The following NDRG3 variants were observed in gnomAD, a reference collection of about 807,000 sequenced individuals.
NDRG3 encodes the protein protein NDRG3.
In NDRG3, 23 loss-of-function variants were observed where a neutral mutation model predicts 57.2. The observed-to-expected ratio is 0.40, with a 90% CI of 0.29 to 0.57. The LOEUF (loss-of-function observed/expected upper bound fraction) is 0.57. NDRG3 is among the 20% of genes least tolerant of loss of function. NDRG3 has a pLI of 0.42. For synonymous variants in NDRG3, 132 were observed against 162.6 expected, an observed-to-expected ratio of 0.81 and a Z score of 1.43; for missense variants, 384 against 457.3, an observed-to-expected ratio of 0.84 and a Z score of 1.46.
chr20:36,696,063 T>C (rs191200983), intron 3 of NDRG3, among the ~76,000 whole-genome samples: 13 of 152,310 alleles, frequency 8.5e-5, no homozygotes, highest in African/African-American at 3.1e-4. Flanking sequence ...CACTGAAATA[T>C]TGGGGGATTC....
At chr20:36,662,564 C>T (rs1032921684) in intron 12 of NDRG3, among the ~76,000 whole-genome samples, 1 of 152,200 alleles carries the variant, frequency 6.6e-6, no homozygotes, top group Non-Finnish European at 1.5e-5. Flanking sequence ...TTTTCATATT[C>T]TTCATAGCAC....
In NDRG3 at chr20:36,715,006, GTATATATATATATATATATA is replaced by G. The variant is rs545495779; in HGVS notation, c.57+6653_57+6672del. ...TCTGTGTGTGTGTGTGTGTGTGTGT[GTATATATATATATATATATA>G]TATATATATATATATATATATATAT... On this transcript the variant is annotated intron_variant, in intron 2 of 15. Coordinates refer to ENST00000349004, the MANE Select transcript of NDRG3 (RefSeq NM_032013.4). Among the ~76,000 whole-genome samples, 72 of 26,712 alleles carry G rather than the reference GTATATATATATATATATATA, an allele frequency of 2.7e-3. 2 individuals carry two copies. Among genetic ancestry groups the G allele is most frequent in the African/African-American group, 7.5e-3 (59 of 7,912 alleles). 17.5% of individuals were successfully genotyped at this position (26,712 alleles called of 152,430 possible).
chr20:36,738,959 A>C (rs1985760201), intron 1 of NDRG3, among the ~76,000 whole-genome samples: 1 of 147,888 alleles, frequency 6.8e-6, no homozygotes, highest in African/African-American at 2.5e-5. Flanking sequence ...CCCCATCTCT[A>C]CTAAAAATAC....
In NDRG3 at chr20:36,686,054, C is replaced by A. The variant is rs538571264; in HGVS notation, c.320+1438G>T. On this transcript the variant is annotated intron_variant, in intron 5 of 15. Transcript: ENST00000349004. ...TTACAGAATTGGAGATGGAATTGAT[C>A]CTAAGATGACCACTTATATATGAGG... Among the ~76,000 whole-genome samples the A allele has an allele frequency of 2.0e-5, 3 of 152,246 alleles. No individual in the cohort carries two copies. In the South Asian group the frequency reaches 6.2e-4, roughly 32 times the overall value.
intron 2 of NDRG3, among the ~76,000 whole-genome samples, chr20:36,711,608 G>A (rs913546012): frequency 1.3e-5 from 2 of 152,136 alleles, no homozygotes; most frequent in Admixed American, 6.6e-5. Flanking sequence ...CCTGACATGA[G>A]CACAAAGGGG....
intron 1 of NDRG3, among the ~76,000 whole-genome samples, chr20:36,737,796 T>C (rs995026433): frequency 1.3e-5 from 2 of 152,076 alleles, no homozygotes; most frequent in African/African-American, 4.8e-5. Context: ...ATTCTGAAAA[T>C]TGGCTGGGCG....
intron 1 of NDRG3, among the ~76,000 whole-genome samples, chr20:36,729,795 T>C (rs1985165424): frequency 6.6e-6 from 1 of 152,006 alleles, no homozygotes. Flanking sequence ...CCCAAAGTGC[T>C]AGAATTACAG....
intron 8 of NDRG3, among the ~76,000 whole-genome samples, chr20:36,674,595 C>CTTTT (rs561643631): frequency 2.6e-5 from 3 of 116,832 alleles, no homozygotes; most frequent in Admixed American, 1.8e-4. Context: ...ATCAATAAAG[C>CTTTT]TTTTTTTTTT....
At chr20:36,701,051 G>A (rs184216365) in intron 3 of NDRG3, among the ~76,000 whole-genome samples, 36 of 152,238 alleles carry the variant, frequency 2.4e-4, no homozygotes, top group African/African-American at 7.9e-4. Flanking sequence ...TGGGAATATA[G>A]GCATGAGCCA....
At chr20:36,672,778 G>A (rs1484788193) in intron 8 of NDRG3, among the ~76,000 whole-genome samples, 5 of 151,140 alleles carry the variant, frequency 3.3e-5, no homozygotes, top group Non-Finnish European at 5.9e-5. Flanking sequence ...GCAGTGAGCC[G>A]AGATCATGCC....
intron 2 of NDRG3, among the ~76,000 whole-genome samples, chr20:36,711,533 C>A (rs1848931052): frequency 6.6e-6 from 1 of 152,108 alleles, no homozygotes; most frequent in Non-Finnish European, 1.5e-5. Flanking sequence ...TCATTGTATC[C>A]ATGAATTCTC....
chr20:36,683,797 A>G (rs915370005), intron 6 of NDRG3, among the ~76,000 whole-genome samples: 1 of 151,778 alleles, frequency 6.6e-6, no homozygotes, highest in Non-Finnish European at 1.5e-5. Context: ...AGTGGAGTCT[A>G]TCTCCAGAAT....
intron 1 of NDRG3, among the ~76,000 whole-genome samples, chr20:36,722,383 A>G (rs1008839928): frequency 6.6e-6 from 1 of 152,236 alleles, no homozygotes; most frequent in African/African-American, 2.4e-5. Flanking sequence ...CCTGAACCAC[A>G]GAAACTGAGA....
chr20:36,666,312 C>G lies in NDRG3; in HGVS notation c.669G>C (p.Gln223His). Residue 223 changes from glutamine to histidine, a missense_variant, in exon 10 of 16, where the codon CAG becomes CAC. Physicochemically the swap from Gln to His is conservative, Grantham distance 24. Transcript: ENST00000349004. ...IAQDINQDNL[Q>H]LFLNSYNGRR... ...ACCCATTGTAGGAATTCAAGAAGAG[C>G]TGCAGGTTGTCTTGGTTGATGTCTT... 1 of 1,613,942 alleles carries G rather than the reference C, an allele frequency of 6.2e-7. No individual in the cohort carries two copies.
At chr20:36,731,698 T>C (rs527278479) in intron 1 of NDRG3, among the ~76,000 whole-genome samples, 1 of 151,640 alleles carries the variant, frequency 6.6e-6, no homozygotes, top group Non-Finnish European at 1.5e-5. Context: ...TAGTCCCAGC[T>C]ACTCGGGAGG....
intron 2 of NDRG3, among the ~76,000 whole-genome samples, chr20:36,716,805 G>C (rs998738351): frequency 5.9e-5 from 9 of 152,108 alleles, no homozygotes; most frequent in African/African-American, 2.2e-4. Flanking sequence ...TCTTTTGGGT[G>C]AGGAGCCTGG....
chr20:36,737,000 C>A (rs1391435876), intron 1 of NDRG3, among the ~76,000 whole-genome samples: 1 of 152,134 alleles, frequency 6.6e-6, no homozygotes, highest in African/African-American at 2.4e-5. Flanking sequence ...GGGCAGCAAC[C>A]CCTGCAATAG....
chr20:36,653,531 C>G lies in NDRG3; in HGVS notation c.1117G>C (p.Val373Leu). ...GGAGGAGCATCTGCTTAGCAGGACA[C>G]CTCCATGGTCTGGTGTCTGTCCAGG... ...DVLDRHQTME[V>L]SC The change falls in exon 16 of 16, where the codon GTG becomes CTG. Residue 373 changes from valine (V) to leucine (L), a missense_variant. Coordinates refer to ENST00000349004, the MANE Select transcript of NDRG3 (RefSeq NM_032013.4). This position sits in a 1 kb window ranked among gnomAD's most constrained non-coding sequence, Gnocchi z 4.2. 6.2e-7 allele frequency: 1 copy of G among 1,614,010 alleles called. No individual in the cohort carries two copies. The highest frequency in any genetic ancestry group is 8.5e-7 in the Non-Finnish European group (1 of 1,179,926).
chr20:36,653,515 T>C lies in NDRG3; in HGVS notation c.*5A>G. The C allele has an allele frequency of 1.9e-6, 3 of 1,612,920 alleles. No individual in the cohort carries two copies. The highest frequency in any genetic ancestry group is 2.5e-6 in the Non-Finnish European group (3 of 1,179,148). Reference sequence around the variant, plus strand: ...CTTGCAATGGTCCAGGGGAGGAGCATCTGCTTAGCAGGACACCTCCATGGT... The same window carrying C: ...CTTGCAATGGTCCAGGGGAGGAGCACCTGCTTAGCAGGACACCTCCATGGT... On this transcript the variant is annotated 3_prime_UTR_variant, in exon 16 of 16. Transcript: ENST00000349004. The surrounding 1 kb of genome is among the most constrained non-coding windows in gnomAD (Gnocchi z 4.2).
Sources: gnomAD v4.1 joint callset for allele counts (sites outside exome capture counted in the v4.1 genomes callset) on GRCh38, gnomAD v4.1.1 for gene constraint, Gnocchi (gnomAD v3.1) non-coding constraint, MANE v1.5 for transcripts, NCBI Gene and HGNC (gene_info 2026-07-23, HGNC 2026-07-21) for gene names.